The following NBPF15 variants were observed in gnomAD, a reference collection of about 807,000 sequenced individuals.
The protein encoded by NBPF15 is NBPF member 15.
A neutral mutation model predicts 62.2 loss-of-function variants in NBPF15; 74 were observed. That is an observed-to-expected ratio of 1.19 (90% CI 0.99 to 1.44). The LOEUF (loss-of-function observed/expected upper bound fraction) is 1.44. Among genes scored for constraint, NBPF15 ranks in the 40% most tolerant of loss-of-function variants. The pLI is 0.00. For missense variants in NBPF15, 790 were observed against 550.0 expected (o/e 1.44, Z -4.36); for synonymous variants, 244 against 209.7 (o/e 1.16, Z -1.41).
Position 144,423,117 on chromosome 1 carries a change from C to T in NBPF15, c.1909G>A (p.Glu637Lys), listed in dbSNP as rs1327891489. The T allele has an allele frequency of 6.2e-7, 1 of 1,611,582 alleles. No individual in the cohort carries two copies. Among genetic ancestry groups the T allele is most frequent in the Admixed American group, 1.7e-5 (1 of 59,976 alleles). Residue 637 changes from glutamate to lysine, a missense_variant, in exon 22 of 22, where the codon GAA (glutamate) becomes AAA (lysine). Physicochemically the swap from Glu to Lys is moderately conservative, Grantham distance 56 (BLOSUM62 1). Coordinates refer to ENST00000581897, the MANE Select transcript of NBPF15 (RefSeq NM_001385408.1). Reference protein sequence around the residue: ...HYRSVFYSFEEEHISFALYVD... With the variant: ...HYRSVFYSFEKEHISFALYVD... ...TAAAGGGCGAAGCTGATATGCTCTT[C>T]CTCAAATGAGTAAAACACACTTCTG...
At position 144,422,819 on chromosome 1, in the gene NBPF15, C is replaced by A. The variant is rs1553538431; in HGVS notation, c.*194G>T. ...TCTGCACAGTTATGTGAACGTGTCA[C>A]ACCTAACATGGGTCCATTGTCTTCA... On this transcript the variant is annotated 3_prime_UTR_variant, in exon 22 of 22. Transcript: ENST00000581897. 1 of 1,394,224 alleles carries A rather than the reference C, an allele frequency of 7.2e-7. No individual in the cohort carries two copies. The allele number at this position is 1,394,224 out of a possible 1,614,324, so 86.4% of individuals were successfully genotyped here. A position where few individuals can be genotyped will look rare whatever the true frequency, so the allele number is the denominator to read the frequency against.
chr1:144,428,323 C>G (rs1334540012), intron 15 of NBPF15, among the ~76,000 whole-genome samples: 1 of 151,796 alleles, frequency 6.6e-6, no homozygotes, highest in Admixed American at 6.6e-5. Context: ...AAAGCATGTC[C>G]TCAATAATTT....
At chr1:144,461,312 G>A (rs375058579) in intron 1 of NBPF15, 69 bp downstream of exon 1, 35 of 123,730 alleles carry the variant, frequency 2.8e-4, no homozygotes, top group African/African-American at 5.8e-4. Context: ...CTCGCCCTCC[G>A]TCGCTCGCAA....
rs1666878461 is a variant in NBPF15, at chr1:144,423,136, A to C, written c.1890T>G (p.Ser630Arg). ...GCTCTTCCTCAAATGAGTAAAACAC[A>C]CTTCTGTAGTGCTGGAATGAGTCAG... ...EQPDSFQHYR[S>R]VFYSFEEEHI... Residue 630 changes from serine (S) to arginine (R), a missense_variant, in exon 22 of 22, where the codon AGT (serine) becomes AGG (arginine). Coordinates refer to ENST00000581897, the MANE Select transcript of NBPF15 (RefSeq NM_001385408.1). The C allele has an allele frequency of 6.2e-7, 1 of 1,611,458 alleles. No individual in the cohort carries two copies. The highest frequency in any genetic ancestry group is 1.1e-5 in the South Asian group (1 of 90,978).
Position 144,427,743 on chromosome 1 carries a change from G to A in NBPF15, c.1213+75C>T, listed in dbSNP as rs1670819402. On this transcript the variant is annotated intron_variant, in intron 16 of 21. Coordinates refer to ENST00000581897, the MANE Select transcript of NBPF15 (RefSeq NM_001385408.1). ...AATGACATCTCTCAGCTCAGTAAGG[G>A]CCACTTGCAGTAGGAATATGACCCT... The A allele has an allele frequency of 1.0e-5, 6 of 602,822 alleles. 1 individual carries two copies. Among genetic ancestry groups the A allele is most frequent in the South Asian group, 7.9e-5 (4 of 50,472 alleles). The allele number at this position is 602,822 out of a possible 1,614,324, so 37.3% of individuals were successfully genotyped here.
chr1:144,458,924 G>T (rs587662132), intron 3 of NBPF15, among the ~76,000 whole-genome samples: 3 of 151,074 alleles, frequency 2.0e-5, no homozygotes, highest in African/African-American at 7.3e-5. Context: ...TCCTATAGTC[G>T]CAGCTACTCA....
At chr1:144,434,082 AT>A (rs1330455204) in intron 12 of NBPF15, among the ~76,000 whole-genome samples, 1 of 147,198 alleles carries the variant, frequency 6.8e-6, no homozygotes, top group Non-Finnish European at 1.5e-5. Context: ...GTTAAACAAA[AT>A]TTTTTCCCCA....
In NBPF15 at chr1:144,425,674, G is replaced by C. The variant is rs1669243776; in HGVS notation, c.1439-106C>G. On this transcript the variant is annotated intron_variant, in intron 18 of 21. Transcript: ENST00000581897. ...AGGGATCTCAGGCTTCTCAGCATGA[G>C]AACAGGACAATGTGAGAGAGATACT... The C allele has an allele frequency of 1.0e-5, 6 of 597,156 alleles. No homozygotes were observed. The Admixed American group carries it at 1.5e-4, about 15-fold the overall frequency. 37.0% of individuals were successfully genotyped at this position (597,156 alleles called of 1,614,324 possible). A position where few individuals can be genotyped will look rare whatever the true frequency, so the allele number is the denominator to read the frequency against.
intron 6 of NBPF15, among the ~76,000 whole-genome samples, chr1:144,446,104 C>T (rs1486442713): frequency 4.6e-5 from 7 of 151,352 alleles, no homozygotes; most frequent in Admixed American, 4.0e-4. Context: ...CTGCCCACCT[C>T]GGCCTCCCAA....
At position 144,433,019 on chromosome 1, in the gene NBPF15, A is replaced by G. The variant is rs1326940993; in HGVS notation, c.824+754T>C. ...GAATATACATTCTTCTCAGCACCAC[A>G]TCACACTTATTCCAAAATTGACCAC... On this transcript the variant is annotated intron_variant, in intron 13 of 21. Transcript: ENST00000581897. 5.9e-4 allele frequency among the ~76,000 whole-genome samples: 89 copies of G among 152,068 alleles called. 1 individual carries two copies. Among genetic ancestry groups the G allele is most frequent in the African/African-American group, 2.1e-3 (86 of 41,500 alleles).
chr1:144,459,837 G>A (rs1651182009), intron 2 of NBPF15, among the ~76,000 whole-genome samples: 1 of 151,642 alleles, frequency 6.6e-6, no homozygotes, highest in African/African-American at 2.4e-5. Context: ...CAAGGATGTG[G>A]GGTAACCAGA....
intron 6 of NBPF15, among the ~76,000 whole-genome samples, chr1:144,448,406 C>G (rs1553544758): frequency 1.3e-5 from 2 of 151,970 alleles, no homozygotes; most frequent in African/African-American, 4.8e-5. Context: ...ACCACTGAAC[C>G]AATTCTATGA....
chr1:144,445,782 T>G (rs1164750633), intron 6 of NBPF15, among the ~76,000 whole-genome samples: 1 of 151,260 alleles, frequency 6.6e-6, no homozygotes, highest in Non-Finnish European at 1.5e-5. Flanking sequence ...AATTTAGTTC[T>G]TTCATAATTT....
rs1272370219 is a variant in NBPF15 at position 144,459,478 on chromosome 1, T to A, written c.-813A>T. 2 of 151,158 alleles carry A rather than the reference T, an allele frequency of 1.3e-5. No individual in the cohort carries two copies. Among genetic ancestry groups the A allele is most frequent in the African/African-American group, 4.9e-5 (2 of 40,744 alleles). 9.4% of individuals were successfully genotyped at this position (151,158 alleles called of 1,614,324 possible). On this transcript the variant is annotated 5_prime_UTR_variant, in exon 3 of 22. Transcript: ENST00000581897. ...CTGCACTCCAGCCTGGGCAACAGAG[T>A]GAGATCTTGTCTCAAAAAGAAAAAA...
At chr1:144,445,481 A>G (rs1230782526) in intron 6 of NBPF15, among the ~76,000 whole-genome samples, 1 of 148,118 alleles carries the variant, frequency 6.8e-6, no homozygotes, top group African/African-American at 2.5e-5. Context: ...ACTGATATAT[A>G]TTCCATTTTT....
At chr1:144,451,847 ATC>A (rs1257905697) in intron 4 of NBPF15, among the ~76,000 whole-genome samples, 1 of 150,686 alleles carries the variant, frequency 6.6e-6, no homozygotes, top group Non-Finnish European at 1.5e-5. Flanking sequence ...ACAATCTGAT[ATC>A]TCTTTCTTTT....
At chr1:144,432,810 TC>T (rs1401440588) in intron 13 of NBPF15, among the ~76,000 whole-genome samples, 11,371 of 148,312 alleles carry the variant, frequency 0.077, 731 homozygotes, top group African/African-American at 0.24. Context: ...ATAAAGCAAG[TC>T]CTGAGAGACC....
chr1:144,427,487 T>C (rs1670589773), intron 16 of NBPF15, among the ~76,000 whole-genome samples: 1 of 149,800 alleles, frequency 6.7e-6, no homozygotes, highest in Non-Finnish European at 1.5e-5. Flanking sequence ...GACGCTGAAA[T>C]TAGAGTGAAG....
intron 3 of NBPF15, among the ~76,000 whole-genome samples, chr1:144,457,701 A>G (rs1649117770): frequency 6.6e-6 from 1 of 152,078 alleles, no homozygotes; most frequent in South Asian, 2.1e-4. Flanking sequence ...ACACATACAA[A>G]ATAATCATAA....
Sources: allele counts gnomAD v4.1 joint callset (sites outside exome capture counted in the v4.1 genomes callset), GRCh38; gene constraint gnomAD v4.1.1; transcripts MANE v1.5; gene names NCBI Gene and HGNC (gene_info 2026-07-23, HGNC 2026-07-21).